Variants in SMAD2 observed in about 807,000 individuals in gnomAD.
SMAD2 encodes the protein MAD homolog 2.
A neutral mutation model predicts 64.4 loss-of-function variants in SMAD2; 8 were observed. The ratio of observed to expected loss-of-function variants is 0.12; its 90% CI spans 0.07 to 0.22. SMAD2 has a LOEUF of 0.22. Among genes scored for constraint, SMAD2 ranks in the 10% least tolerant of loss-of-function variants. The pLI, the probability that SMAD2 is intolerant of heterozygous loss-of-function variation, is 1.00. For missense variants in SMAD2, 289 were observed against 561.2 expected (o/e 0.51, Z 4.90); for synonymous variants, 203 against 195.8 (o/e 1.04, Z -0.31).
At position 47,826,916 on chromosome 18, in the gene SMAD2, C is replaced by T. The variant is rs1162255994; in HGVS notation, c.*14911G>A. ...AGTGCTCTCATTTAGTTCTCATAACCACCCTAAAAACTAACTTCCTCATTT... is the reference window on the plus strand; with the variant it reads ...AGTGCTCTCATTTAGTTCTCATAACTACCCTAAAAACTAACTTCCTCATTT... On this transcript the variant is annotated 3_prime_UTR_variant, in exon 11 of 11. Transcript: ENST00000262160. 1 of 152,184 alleles carries T rather than the reference C, an allele frequency of 6.6e-6. No homozygotes were observed. The highest frequency in any genetic ancestry group is 1.5e-5 in the Non-Finnish European group (1 of 68,048). The allele number at this position is 152,184 out of a possible 1,614,324, so 9.4% of individuals were successfully genotyped here.
rs1242896200 is a variant in SMAD2, at chr18:47,816,833, G to A, written c.*24994C>T. ...GGCTGGAGTGCAGTGGCACATCTAG[G>A]CTCACTGCAACCTCCACTTCTCAGG... On this transcript the variant is annotated 3_prime_UTR_variant, in exon 11 of 11. Transcript: ENST00000262160. The A allele has an allele frequency of 2.7e-5, 4 of 150,366 alleles. No individual in the cohort carries two copies. The highest frequency in any genetic ancestry group is 5.9e-5 in the Non-Finnish European group (4 of 67,830). The allele number at this position is 150,366 out of a possible 1,614,324, so 9.3% of individuals were successfully genotyped here. A position where few individuals can be genotyped will look rare whatever the true frequency, so the allele number is the denominator to read the frequency against.
intron 1 of SMAD2, among the ~76,000 whole-genome samples, chr18:47,929,977 G>A (rs1455066181): frequency 6.6e-6 from 1 of 151,968 alleles, no homozygotes; most frequent in Non-Finnish European, 1.5e-5. Flanking sequence ...TGTTAACAAA[G>A]GTTACGAGAC....
chr18:47,855,671 G>C (rs1237949217), intron 6 of SMAD2, among the ~76,000 whole-genome samples: 1 of 152,018 alleles, frequency 6.6e-6, no homozygotes, highest in East Asian at 1.9e-4. Flanking sequence ...ACCCAGGTTG[G>C]AGGGCAGTGT....
chr18:47,926,525 C>T (rs1016643059), intron 1 of SMAD2, among the ~76,000 whole-genome samples: 9 of 152,126 alleles, frequency 5.9e-5, no homozygotes, highest in African/African-American at 2.2e-4. Context: ...CACCACACCC[C>T]CTCTAAGCCT....
intron 1 of SMAD2, among the ~76,000 whole-genome samples, chr18:47,909,589 T>C (rs772543672): frequency 6.6e-6 from 1 of 152,192 alleles, no homozygotes; most frequent in Non-Finnish European, 1.5e-5. Context: ...CTCTACTGTT[T>C]TGTGCAAATA....
chr18:47,887,929 T>C (rs1371956235), intron 2 of SMAD2, among the ~76,000 whole-genome samples: 2 of 152,192 alleles, frequency 1.3e-5, no homozygotes, highest in Non-Finnish European at 2.9e-5. Flanking sequence ...GAACTCACGA[T>C]CTTTATACAG....
chr18:47,912,653 C>T (rs1254555115), intron 1 of SMAD2: 1 of 152,124 alleles, frequency 6.6e-6, no homozygotes, highest in Non-Finnish European at 1.5e-5. Context: ...ACTGTCCAGG[C>T]CTGTTCCAGC....
rs1912898729 is a variant in SMAD2, at chr18:47,829,382, T to G, written c.*12445A>C. 1 of 151,654 alleles carries G rather than the reference T, an allele frequency of 6.6e-6. No homozygotes were observed. Among genetic ancestry groups the G allele is most frequent in the African/African-American group, 2.4e-5 (1 of 41,132 alleles). The allele number at this position is 151,654 out of a possible 1,614,324, so 9.4% of individuals were successfully genotyped here. A position where few individuals can be genotyped will look rare whatever the true frequency, so the allele number is the denominator to read the frequency against. ...CATTCTGTATCTCTAAAACATTGTC[T>G]CTAGACCTCAGCAAAAAAAAAAAAG... is the stretch of plus-strand genomic sequence containing the variant. On this transcript the variant is annotated 3_prime_UTR_variant, in exon 11 of 11. Transcript: ENST00000262160.
At chr18:47,844,503 T>A (rs1008800651) in intron 10 of SMAD2, among the ~76,000 whole-genome samples, 3 of 152,208 alleles carry the variant, frequency 2.0e-5, no homozygotes, top group African/African-American at 7.2e-5. Context: ...AATTCATCAA[T>A]AATCTAGACT....
chr18:47,928,498 T>C (rs1335467500), intron 1 of SMAD2, among the ~76,000 whole-genome samples: 1 of 152,206 alleles, frequency 6.6e-6, no homozygotes, highest in East Asian at 1.9e-4. Flanking sequence ...ACAACCTTTG[T>C]TCCTACTAAA....
chr18:47,870,665 T>C (rs1403564804), intron 2 of SMAD2, 101 bp from the exon 3 acceptor site: 2 of 825,884 alleles, frequency 2.4e-6, no homozygotes, highest in Non-Finnish European at 4.3e-6. Flanking sequence ...AATACTTCCT[T>C]CACCCAGAAA....
rs1192079307 is a variant in SMAD2 at position 47,820,860 on chromosome 18, T to C, written c.*20967A>G. The C allele has an allele frequency of 4.6e-5, 7 of 151,604 alleles. No homozygotes were observed. The highest frequency in any genetic ancestry group is 1.5e-4 in the African/African-American group (6 of 41,150). The allele number at this position is 151,604 out of a possible 1,614,324, so 9.4% of individuals were successfully genotyped here. On this transcript the variant is annotated 3_prime_UTR_variant, in exon 11 of 11. Transcript: ENST00000262160. The stretch of plus-strand genomic sequence containing the variant: ...ATTCTATACATATGCTATATATTTG[T>C]ATATACACGATAGTGTAAATGCTAT...
At chr18:47,849,487 G>GTATATATATATATATATATA (rs10584029) in intron 7 of SMAD2, among the ~76,000 whole-genome samples, 1 of 148,278 alleles carries the variant, frequency 6.7e-6, no homozygotes, top group African/African-American at 2.5e-5. Context: ...AGAAATGTAT[G>GTATATATATATATATATATA]TATATATATA....
chr18:47,857,314 T>C (rs1255730509), intron 6 of SMAD2, among the ~76,000 whole-genome samples: 1 of 151,640 alleles, frequency 6.6e-6, no homozygotes, highest in African/African-American at 2.4e-5. Context: ...ATATAATGCA[T>C]GAATGATCAT....
intron 1 of SMAD2, among the ~76,000 whole-genome samples, chr18:47,911,360 A>G (rs1371744050): frequency 1.3e-5 from 2 of 151,966 alleles, no homozygotes; most frequent in Non-Finnish European, 2.9e-5. Context: ...GGAAAAAAAA[A>G]AAAAAAGAAA....
chr18:47,869,451 G>C lies in SMAD2; in HGVS notation c.327-15C>G. Reference sequence around the variant, plus strand: ...CATCAAGAGACCTGTTGGGAAGCAAGGGGAAAAGAAAGGAGGGAACTTTAA... The same window carrying C: ...CATCAAGAGACCTGTTGGGAAGCAACGGGAAAAGAAAGGAGGGAACTTTAA... On this transcript the variant is annotated splice_polypyrimidine_tract_variant and intron_variant, in intron 3 of 10. Coordinates refer to ENST00000262160, the MANE Select transcript of SMAD2 (RefSeq NM_005901.6). 1 of 1,581,642 alleles carries C rather than the reference G, an allele frequency of 6.3e-7. No individual in the cohort carries two copies.
chr18:47,887,228 CAATA>C (rs2032960028), intron 2 of SMAD2, among the ~76,000 whole-genome samples: 1 of 152,208 alleles, frequency 6.6e-6, no homozygotes, highest in African/African-American at 2.4e-5. Flanking sequence ...TTTGTATTAA[CAATA>C]AATGTCTTCA....
At chr18:47,900,120 T>C (rs75408788) in intron 1 of SMAD2, among the ~76,000 whole-genome samples, 2,050 of 152,226 alleles carry the variant, frequency 0.013, 37 homozygotes, top group African/African-American at 0.047. Flanking sequence ...AGTTCTCTAA[T>C]GACATTTTAA....
chr18:47,851,635 C>CTA (rs1208342254), intron 6 of SMAD2, among the ~76,000 whole-genome samples: 1 of 152,094 alleles, frequency 6.6e-6, no homozygotes, highest in Non-Finnish European at 1.5e-5. Context: ...ACCACATAAG[C>CTA]AAATACATTT....
Sources: allele counts gnomAD v4.1 joint callset (sites outside exome capture counted in the v4.1 genomes callset), GRCh38; gene constraint gnomAD v4.1.1; transcripts MANE v1.5; gene names NCBI Gene and HGNC (gene_info 2026-07-23, HGNC 2026-07-21).